POLN: variants seen among roughly 807,000 people sequenced by gnomAD.
POLN encodes DNA polymerase nu.
In POLN, 108 loss-of-function variants were observed where a neutral mutation model predicts 113.5. That is an observed-to-expected ratio of 0.95 (90% CI 0.81 to 1.12). The LOEUF (loss-of-function observed/expected upper bound fraction) is 1.12. Among genes scored for constraint, POLN ranks in the 50% most tolerant of loss-of-function variants. The pLI is 0.00. For missense variants in POLN, 1,097 were observed against 1,077.1 expected, an observed-to-expected ratio of 1.02 and a Z score of -0.26; for synonymous variants, 386 against 391.5, an observed-to-expected ratio of 0.99 and a Z score of 0.17.
intron 16 of POLN, among the ~76,000 whole-genome samples, chr4:2,153,986 A>G (rs1732358523): frequency 6.6e-6 from 1 of 151,516 alleles, no homozygotes; most frequent in Non-Finnish European, 1.5e-5. Flanking sequence ...TCACAAGGTC[A>G]GGAGATTGAG....
At chr4:2,114,086 A>ATGGTGTTTCT (rs1378718151) in intron 19 of POLN, among the ~76,000 whole-genome samples, 1 of 151,330 alleles carries the variant, frequency 6.6e-6, no homozygotes, top group Non-Finnish European at 1.5e-5. Context: ...TTTTGTAGAG[A>ATGGTGTTTCT]TGGTGTTTCT....
At chr4:2,171,055 A>G in intron 12 of POLN, 43 bp downstream of exon 12, 4 of 1,499,476 alleles carry the variant, frequency 2.7e-6, no homozygotes, top group Non-Finnish European at 3.7e-6. Context: ...TTAACTCCTG[A>G]ATAAGAAATA....
intron 4 of POLN, among the ~76,000 whole-genome samples, chr4:2,208,947 C>T (rs1242748865): frequency 6.6e-6 from 1 of 151,886 alleles, no homozygotes; most frequent in East Asian, 1.9e-4. Flanking sequence ...GGGATTGCAC[C>T]ATTGCACTCC....
chr4:2,183,955 G>A (rs942142599), intron 7 of POLN, among the ~76,000 whole-genome samples: 14 of 151,672 alleles, frequency 9.2e-5, no homozygotes, highest in African/African-American at 3.2e-4. Context: ...CCAGGTTCAG[G>A]TGATTCTTCT....
chr4:2,088,578 G>A (rs1299478698), intron 20 of POLN: 6 of 574,628 alleles, frequency 1.0e-5, no homozygotes, highest in African/African-American at 2.0e-5. Flanking sequence ...GCAAAAATAC[G>A]CATTAGCTAA....
intron 24 of POLN, 132 bp from the exon 25 acceptor site, chr4:2,073,161 T>A: frequency 1.3e-6 from 1 of 798,978 alleles, no homozygotes; most frequent in Non-Finnish European, 2.0e-6. Context: ...GTCCACTCGG[T>A]CACCTGAACC....
At chr4:2,161,359 T>C (rs1034405364) in intron 13 of POLN, among the ~76,000 whole-genome samples, 1 of 152,148 alleles carries the variant, frequency 6.6e-6, no homozygotes, top group African/African-American at 2.4e-5. Context: ...GGCCCTGCAC[T>C]CGGAGCAGCC....
chr4:2,143,444 G>A (rs1732054622), intron 16 of POLN, among the ~76,000 whole-genome samples: 1 of 152,092 alleles, frequency 6.6e-6, no homozygotes, highest in Admixed American at 6.5e-5. Flanking sequence ...TCACAACTTA[G>A]ACAAAATGGA....
At chr4:2,146,316 G>C (rs1732137541) in intron 16 of POLN, among the ~76,000 whole-genome samples, 1 of 150,190 alleles carries the variant, frequency 6.7e-6, no homozygotes, top group Non-Finnish European at 1.5e-5. Flanking sequence ...GACCAGCCTG[G>C]CTAACATGAC....
At chr4:2,162,322 G>A (rs1428970989) in intron 13 of POLN, among the ~76,000 whole-genome samples, 1 of 152,060 alleles carries the variant, frequency 6.6e-6, no homozygotes, top group Admixed American at 6.5e-5. Flanking sequence ...AACACTCACC[G>A]CGAAGGTCTG....
chr4:2,129,009 C>T (rs916088487), intron 18 of POLN, among the ~76,000 whole-genome samples, 170 bp downstream of exon 18: 7 of 143,374 alleles, frequency 4.9e-5, no homozygotes, highest in African/African-American at 1.8e-4. Flanking sequence ...GAGTCAAGAT[C>T]ATGCCACTGC....
At chr4:2,090,500 A>G in intron 20 of POLN, 1 of 519,410 alleles carries the variant, frequency 1.9e-6, no homozygotes, top group Non-Finnish European at 3.6e-6. Flanking sequence ...GAATAAATAA[A>G]CTGAGCAGCT....
chr4:2,221,314 A>G (rs982247983), intron 3 of POLN, among the ~76,000 whole-genome samples: 6 of 152,058 alleles, frequency 3.9e-5, no homozygotes, highest in African/African-American at 1.4e-4. Flanking sequence ...TTTTGCAGAG[A>G]TAACTGTGAA....
At chr4:2,217,444 G>C (rs1734139686) in intron 3 of POLN, among the ~76,000 whole-genome samples, 1 of 152,128 alleles carries the variant, frequency 6.6e-6, no homozygotes, top group Admixed American at 6.5e-5. Flanking sequence ...GAAAAGCTTG[G>C]TTGTGCCTGC....
At chr4:2,164,465 C>A (rs1287883920) in intron 13 of POLN, among the ~76,000 whole-genome samples, 1 of 143,712 alleles carries the variant, frequency 7.0e-6, no homozygotes, top group Non-Finnish European at 1.5e-5. Flanking sequence ...CACACCATTG[C>A]TCTCCAGCCT....
intron 8 of POLN, 136 bp from the exon 9 acceptor site, chr4:2,176,470 G>A (rs1265290203): frequency 1.3e-5 from 8 of 635,014 alleles, no homozygotes; most frequent in African/African-American, 1.9e-5. Flanking sequence ...TGTCATGTAC[G>A]TGGTAGTATC....
At chr4:2,177,130 C>T (rs1733016810) in intron 8 of POLN, 1 of 277,024 alleles carries the variant, frequency 3.6e-6, no homozygotes, top group Non-Finnish European at 7.3e-6. Flanking sequence ...TCTTGACTGC[C>T]ACCTGGCAGA....
In POLN at chr4:2,072,109, T is replaced by C. The variant is rs755292437; in HGVS notation, c.*5A>G. The C allele has an allele frequency of 3.1e-6, 5 of 1,611,758 alleles. No individual in the cohort carries two copies. The highest frequency in any genetic ancestry group is 4.2e-6 in the Non-Finnish European group (5 of 1,179,498). On this transcript the variant is annotated 3_prime_UTR_variant, in exon 26 of 26. Transcript: ENST00000511885. ...CCAGTTCTCTCCTCCCACTGTTGCC[T>C]GGGGCTACAGACAAAATGAAGGCGA...
At chr4:2,163,243 T>G (rs1732646063) in intron 13 of POLN, among the ~76,000 whole-genome samples, 1 of 152,210 alleles carries the variant, frequency 6.6e-6, no homozygotes, top group South Asian at 2.1e-4. Context: ...AATCCAGAAT[T>G]GCAGTTTTTG....
Sources: allele counts gnomAD v4.1 joint callset (sites outside exome capture counted in the v4.1 genomes callset), GRCh38; gene constraint gnomAD v4.1.1; transcripts MANE v1.5; gene names NCBI Gene and HGNC (gene_info 2026-07-23, HGNC 2026-07-21).